WNT16: variants seen among roughly 807,000 people sequenced by gnomAD.
WNT16 encodes the protein protein Wnt-16.
Under a neutral mutation model 35.4 loss-of-function variants are expected in WNT16, and 20 were observed. The observed-to-expected ratio is 0.56, with a 90% confidence interval of 0.40 to 0.82. The LOEUF (loss-of-function observed/expected upper bound fraction) is 0.82, where lower values mean the gene tolerates loss of function less well. WNT16 is among the 40% of genes least tolerant of loss of function. The pLI is 0.00. For missense variants in WNT16, 461 were observed against 466.0 expected, an observed-to-expected ratio of 0.99 and a Z score of 0.10; for synonymous variants, 180 against 179.2, an observed-to-expected ratio of 1.00 and a Z score of -0.03.
At position 121,338,899 on chromosome 7, in the gene WNT16, T is replaced by C. The variant is rs769267475; in HGVS notation, c.652T>C (p.Ser218Pro). The change falls in exon 4 of 4, where the codon TCA becomes CCA. Residue 218 changes from serine (S) to proline (P), a missense_variant. Ser to Pro is a moderately conservative substitution (Grantham distance 74, BLOSUM62 -1). Coordinates refer to ENST00000222462, the MANE Select transcript of WNT16 (RefSeq NM_057168.2). Reference sequence around the variant, plus strand: ...GTTTCAGGCTGTCGCCAAGTTGATGTCAGTAGACTGCCGCTGCCACGGAGT... The same window carrying C: ...GTTTCAGGCTGTCGCCAAGTTGATGCCAGTAGACTGCCGCTGCCACGGAGT... ...AGRQAVAKLMSVDCRCHGVSG... is the reference protein window; with the variant it reads ...AGRQAVAKLMPVDCRCHGVSG... 26 of 1,613,378 alleles carry C rather than the reference T, an allele frequency of 1.6e-5. No homozygotes were observed. The highest frequency in any genetic ancestry group is 3.3e-5 in the South Asian group (3 of 91,046).
At chr7:121,330,421 C>T (rs1793322438) in intron 2 of WNT16, among the ~76,000 whole-genome samples, 1 of 152,252 alleles carries the variant, frequency 6.6e-6, no homozygotes, top group African/African-American at 2.4e-5. Flanking sequence ...CGGCGCACTC[C>T]CGCGGCGCGG....
rs1793482356 is a variant in WNT16, at chr7:121,338,933, C to G, written c.686C>G (p.Ser229Cys). Residue 229 changes from serine (S) to cysteine (C), a missense_variant, in exon 4 of 4, where the codon TCC becomes TGC. Ser to Cys is a moderately radical substitution (Grantham distance 112, BLOSUM62 -1). Coordinates refer to ENST00000222462, the MANE Select transcript of WNT16 (RefSeq NM_057168.2). ...VDCRCHGVSG[S>C]CAVKTCWKTM... ...TGCCGCTGCCACGGAGTTTCCGGCT[C>G]CTGTGCTGTGAAAACATGCTGGAAA... The G allele has an allele frequency of 1.2e-6, 2 of 1,613,940 alleles. No homozygotes were observed. Among genetic ancestry groups the G allele is most frequent in the Non-Finnish European group, 1.7e-6 (2 of 1,180,018 alleles).
At chr7:121,333,926 C>A (rs1465771850) in intron 3 of WNT16, among the ~76,000 whole-genome samples, 3 of 151,902 alleles carry the variant, frequency 2.0e-5, no homozygotes, top group East Asian at 3.8e-4. Context: ...TTATTAGTAA[C>A]ATTCGGCAGC....
upstream of WNT16, chr7:121,325,474 C>T: frequency 6.2e-7 from 1 of 1,613,258 alleles, no homozygotes; most frequent in Non-Finnish European, 8.5e-7. Flanking sequence ...CAAAAGACCT[C>T]CCTATGGTGG....
Position 121,338,897 on chromosome 7 carries a change from T to G in WNT16, c.650T>G (p.Met217Arg). 2 of 1,613,162 alleles carry G rather than the reference T, an allele frequency of 1.2e-6. No homozygotes were observed. The highest frequency in any genetic ancestry group is 1.7e-6 in the Non-Finnish European group (2 of 1,179,560). ...EAGRQAVAKL[M>R]SVDCRCHGVS... The stretch of plus-strand genomic sequence containing the variant: ...TGGTTTCAGGCTGTCGCCAAGTTGA[T>G]GTCAGTAGACTGCCGCTGCCACGGA... The change falls in exon 4 of 4, where the codon ATG becomes AGG. Residue 217 changes from methionine to arginine, a missense_variant. Met to Arg is a moderately conservative substitution (Grantham distance 91). Transcript: ENST00000222462.
At chr7:121,332,153 G>C (rs1195689035) in intron 3 of WNT16, among the ~76,000 whole-genome samples, 189 bp downstream of exon 3, 1 of 152,162 alleles carries the variant, frequency 6.6e-6, no homozygotes, top group Non-Finnish European at 1.5e-5. Context: ...AAATATGTAT[G>C]CGTTAAAGCA....
In WNT16 at chr7:121,339,598, T is replaced by A. The variant is rs893544265; in HGVS notation, c.*253T>A. Reference sequence around the variant, plus strand: ...ACCTTTTGATGATTTGGGGAATATATATTGACATACAAGGAAGATAATCTG... The same window carrying A: ...ACCTTTTGATGATTTGGGGAATATAAATTGACATACAAGGAAGATAATCTG... On this transcript the variant is annotated 3_prime_UTR_variant, in exon 4 of 4. Coordinates refer to ENST00000222462, the MANE Select transcript of WNT16 (RefSeq NM_057168.2). 6 of 490,616 alleles carry A rather than the reference T, an allele frequency of 1.2e-5. No individual in the cohort carries two copies. The highest frequency in any genetic ancestry group is 1.1e-4 in the African/African-American group (6 of 52,730). The allele number at this position is 490,616 out of a possible 1,614,324, so 30.4% of individuals were successfully genotyped here. A position where few individuals can be genotyped will look rare whatever the true frequency, so the allele number is the denominator to read the frequency against.
Position 121,339,172 on chromosome 7 carries a change from G to T in WNT16, c.925G>T (p.Glu309Ter), listed in dbSNP as rs374417329. 1.2e-6 allele frequency: 2 copies of T among 1,614,128 alleles called. No individual in the cohort carries two copies. The highest frequency in any genetic ancestry group is 2.2e-5 in the East Asian group (1 of 44,900). Residue 309 changes from glutamate (E) to a stop codon, truncating the protein, a stop_gained, in exon 4 of 4, where the codon GAA becomes TAA. Coordinates refer to ENST00000222462, the MANE Select transcript of WNT16 (RefSeq NM_057168.2). LOFTEE classifies it high-confidence loss of function. ...GGGAATCCCAGGGACACAAGGCAGA[G>T]AATGCAACCGTACATCAGAGGGTGC... is the stretch of plus-strand genomic sequence containing the variant. The part of the protein sequence containing the change: ...KLGIPGTQGR[E>*]CNRTSEGADG...
chr7:121,338,963 T>A lies in WNT16; in HGVS notation c.716T>A (p.Met239Lys). Residue 239 changes from methionine (M) to lysine (K), a missense_variant, in exon 4 of 4, where the codon ATG becomes AAG. By Grantham distance (95) the Met-to-Lys change is moderately conservative. Transcript: ENST00000222462. ...SCAVKTCWKT[M>K]SSFEKIGHLL... ...GCTGTGAAAACATGCTGGAAAACCA[T>A]GTCTTCTTTTGAAAAGATTGGCCAT... 6.2e-7 allele frequency: 1 copy of A among 1,614,158 alleles called. No homozygotes were observed. The highest frequency in any genetic ancestry group is 8.5e-7 in the Non-Finnish European group (1 of 1,180,028).
upstream of WNT16, among the ~76,000 whole-genome samples, chr7:121,328,588 A>T (rs919780074): frequency 5.3e-5 from 8 of 152,188 alleles, no homozygotes; most frequent in African/African-American, 1.9e-4. Context: ...CAAAAAGATT[A>T]TTCTCCTGTG....
At chr7:121,333,741 G>A (rs953667943) in intron 3 of WNT16, among the ~76,000 whole-genome samples, 1 of 151,852 alleles carries the variant, frequency 6.6e-6, no homozygotes, top group East Asian at 1.9e-4. Flanking sequence ...ACAAATAAAC[G>A]AGTGTTTGTT....
chr7:121,338,182 T>C (rs1245551248), intron 3 of WNT16, among the ~76,000 whole-genome samples: 1 of 152,190 alleles, frequency 6.6e-6, no homozygotes, highest in Non-Finnish European at 1.5e-5. Context: ...TCAATACGTC[T>C]CATCCCTGGA....
rs1473079010 is a variant in WNT16 at position 121,340,971 on chromosome 7, C to T, written c.*1626C>T. 4.6e-5 allele frequency: 7 copies of T among 152,006 alleles called. No individual in the cohort carries two copies. The East Asian group carries it at 1.2e-3, about 25-fold the overall frequency. The allele number at this position is 152,006 out of a possible 1,614,324, so 9.4% of individuals were successfully genotyped here. A position where few individuals can be genotyped will look rare whatever the true frequency, so the allele number is the denominator to read the frequency against. ...ATTAATAAGATAAAGAAATGTTTCC[C>T]TGCCCCACAGTCTTCATTCTATTTC... On this transcript the variant is annotated 3_prime_UTR_variant, in exon 4 of 4. Transcript: ENST00000222462.
In WNT16 at chr7:121,329,004, G is replaced by A; in HGVS notation, c.-289G>A. 8.5e-7 allele frequency: 1 copy of A among 1,181,248 alleles called. No individual in the cohort carries two copies. The highest frequency in any genetic ancestry group is 1.6e-5 in the African/African-American group (1 of 63,438). 73.2% of individuals were successfully genotyped at this position (1,181,248 alleles called of 1,614,324 possible). On this transcript the variant is annotated 5_prime_UTR_variant, in exon 1 of 4. Coordinates refer to ENST00000222462, the MANE Select transcript of WNT16 (RefSeq NM_057168.2). Reference sequence around the variant, plus strand: ...CGATGGAGACGCGGATACATCAACAGAAGTTTCTCACCTAGGAATGCGAGG... The same window carrying A: ...CGATGGAGACGCGGATACATCAACAAAAGTTTCTCACCTAGGAATGCGAGG...
At chr7:121,331,020 A>AT (rs755441661) in intron 2 of WNT16, among the ~76,000 whole-genome samples, 1 of 152,230 alleles carries the variant, frequency 6.6e-6, no homozygotes, top group Non-Finnish European at 1.5e-5. Flanking sequence ...TGCTAGTGAC[A>AT]TTTTAATTAT....
rs768326745 is a variant in WNT16, at chr7:121,329,392, G to A, written c.95+5G>A. ...CGGAGCCCAAGGAAACTGGATGTGA[G>A]TATGGAGGTGGCAGGGAAGCATCGG... On this transcript the variant is annotated splice_donor_5th_base_variant and intron_variant, in intron 1 of 3. Transcript: ENST00000222462. The A allele has an allele frequency of 1.9e-6, 3 of 1,610,242 alleles. No individual in the cohort carries two copies. Among genetic ancestry groups the A allele is most frequent in the East Asian group, 4.5e-5 (2 of 44,818 alleles).
upstream of WNT16, among the ~76,000 whole-genome samples, chr7:121,326,038 C>CAAAA (rs386411143): frequency 0.023 from 538 of 23,070 alleles, 79 homozygotes; most frequent in African/African-American, 0.062. Context: ...TACCTCATCT[C>CAAAA]AAAAAAAAAA....
chr7:121,328,289 T>C (rs1562874131), upstream of WNT16, among the ~76,000 whole-genome samples: 1 of 152,106 alleles, frequency 6.6e-6, no homozygotes, highest in East Asian at 1.9e-4. Context: ...ACTCTAGAAC[T>C]CTCCAGAAAC....
chr7:121,329,365 T>C lies in WNT16; in HGVS notation c.73T>C (p.Tyr25His), dbSNP rs752940613. 2 of 1,610,364 alleles carry C rather than the reference T, an allele frequency of 1.2e-6. No homozygotes were observed. Among genetic ancestry groups the C allele is most frequent in the South Asian group, 2.2e-5 (2 of 90,566 alleles). The change falls in exon 1 of 4, where the codon TAC (tyrosine) becomes CAC (histidine). Residue 25 changes from tyrosine (Y) to histidine (H), a missense_variant. Coordinates refer to ENST00000222462, the MANE Select transcript of WNT16 (RefSeq NM_057168.2). ...GGCAGCCCTGCTCGTGCTGTTCCCC[T>C]ACGGAGCCCAAGGAAACTGGATGTG... is the stretch of plus-strand genomic sequence containing the variant. ...LWAALLVLFP[Y>H]GAQGNWMWLG...
Sources: gnomAD v4.1 joint callset for allele counts (sites outside exome capture counted in the v4.1 genomes callset) on GRCh38, gnomAD v4.1.1 for gene constraint, MANE v1.5 for transcripts, NCBI Gene and HGNC (gene_info 2026-07-23, HGNC 2026-07-21) for gene names.